Variants in ZNF416 observed in about 807,000 individuals in gnomAD.
ZNF416 encodes zinc finger protein 416.
A neutral mutation model predicts 10.9 loss-of-function variants in ZNF416; 5 were observed. The ratio of observed to expected loss-of-function variants is 0.46; its 90% CI spans 0.24 to 0.97. The LOEUF (loss-of-function observed/expected upper bound fraction) is 0.97. ZNF416 is among the 50% of genes least tolerant of loss of function. The pLI, the probability that ZNF416 is intolerant of heterozygous loss-of-function variation, is 0.19. For missense variants in ZNF416, 675 were observed against 715.0 expected (o/e 0.94, Z 0.64); for synonymous variants, 267 against 251.8 (o/e 1.06, Z -0.57).
At chr19:57,576,605 G>A (rs1052832855) in intron 2 of ZNF416, among the ~76,000 whole-genome samples, 14 of 151,944 alleles carry the variant, frequency 9.2e-5, no homozygotes, top group African/African-American at 3.1e-4. Context: ...ATCTGACACC[G>A]ATGGCCCTCT....
Position 57,571,879 on chromosome 19 carries a change from T to C in ZNF416, c.*240A>G. On this transcript the variant is annotated 3_prime_UTR_variant, in exon 4 of 4. Transcript: ENST00000196489. Reference sequence around the variant, plus strand: ...TCTGCCTCGCCTTAGTATGCAAGGGTGACTAATGATTTAACTCTGGCAAAG... The same window carrying C: ...TCTGCCTCGCCTTAGTATGCAAGGGCGACTAATGATTTAACTCTGGCAAAG... 1 of 512,056 alleles carries C rather than the reference T, an allele frequency of 2.0e-6. No homozygotes were observed. The highest frequency in any genetic ancestry group is 3.5e-6 in the Non-Finnish European group (1 of 288,118). The allele number at this position is 512,056 out of a possible 1,614,324, so 31.7% of individuals were successfully genotyped here.
At position 57,571,772 on chromosome 19, in the gene ZNF416, A is replaced by T. The variant is rs1568605870; in HGVS notation, c.*347T>A. ...AACTGGTCAGATGTATGCTGTAATC[A>T]GTCAGAAAAGGGAAGGAATTCCCCT... is the stretch of plus-strand genomic sequence containing the variant. On this transcript the variant is annotated 3_prime_UTR_variant, in exon 4 of 4. Coordinates refer to ENST00000196489, the MANE Select transcript of ZNF416 (RefSeq NM_017879.3). The T allele has an allele frequency of 4.6e-6, 1 of 218,938 alleles. No homozygotes were observed. Among genetic ancestry groups the T allele is most frequent in the East Asian group, 9.4e-5 (1 of 10,666 alleles). 13.6% of individuals were successfully genotyped at this position (218,938 alleles called of 1,614,324 possible). A position where few individuals can be genotyped will look rare whatever the true frequency, so the allele number is the denominator to read the frequency against.
In ZNF416 at chr19:57,576,342, ACT is replaced by A. The variant is rs1337802856; in HGVS notation, c.76-414_76-413del. Reference sequence around the variant, plus strand: ...ATGCACATCACTCTTTGAAGCACACACTCTCTCAAACAATCTCACTCCCACGG... The same window carrying A: ...ATGCACATCACTCTTTGAAGCACACACTCTCAAACAATCTCACTCCCACGG... On this transcript the variant is annotated intron_variant, in intron 2 of 3. Coordinates refer to ENST00000196489, the MANE Select transcript of ZNF416 (RefSeq NM_017879.3). Among the ~76,000 whole-genome samples, 7 of 151,304 alleles carry A rather than the reference ACT, an allele frequency of 4.6e-5. No individual in the cohort carries two copies. In the Middle Eastern group the frequency reaches 0.01, roughly 222 times the overall value.
In ZNF416 at chr19:57,572,494, T is replaced by C; in HGVS notation, c.1410A>G (p.Glu470=). The C allele has an allele frequency of 6.2e-7, 1 of 1,614,078 alleles. No individual in the cohort carries two copies. The highest frequency in any genetic ancestry group is 8.5e-7 in the Non-Finnish European group (1 of 1,180,004). The part of the protein sequence containing the change: ...HTAERPYVCG[E]CGKAFMFKSK... ...ATTTGAACATAAAAGCTTTCCCACATTCCCCACATACATAAGGCCTTTCTG... is the reference window on the plus strand; with the variant it reads ...ATTTGAACATAAAAGCTTTCCCACACTCCCCACATACATAAGGCCTTTCTG... The change falls in exon 4 of 4, where the codon GAA becomes GAG. Residue 470 remains glutamate, a synonymous_variant. Transcript: ENST00000196489. The surrounding 1 kb of genome is among the most constrained non-coding windows in gnomAD (Gnocchi z 4.5).
At position 57,572,839 on chromosome 19, in the gene ZNF416, C is replaced by T; in HGVS notation, c.1065G>A (p.Glu355=). 2 of 1,614,022 alleles carry T rather than the reference C, an allele frequency of 1.2e-6. No individual in the cohort carries two copies. The highest frequency in any genetic ancestry group is 1.7e-4 in the Middle Eastern group (1 of 6,058). ...CRIHTGERPY[E]CDECGKAFGS... is the part of the protein sequence containing the mutation. Reference sequence around the variant, plus strand: ...CAAAGGCTTTTCCACATTCATCACACTCATAAGGCCTTTCTCCAGTGTGAA... The same window carrying T: ...CAAAGGCTTTTCCACATTCATCACATTCATAAGGCCTTTCTCCAGTGTGAA... Residue 355 remains glutamate (E), a synonymous_variant, in exon 4 of 4, where the codon GAG becomes GAA. Transcript: ENST00000196489. This position sits in a 1 kb window ranked among gnomAD's most constrained non-coding sequence, Gnocchi z 4.5.
chr19:57,573,054 G>A lies in ZNF416; in HGVS notation c.850C>T (p.His284Tyr). ...ECGKSFSQTS[H>Y]LNDHRRIHTG... ...TGGATTCTCCGATGATCATTCAGAT[G>A]AGAGGTTTGGCTAAAAGATTTCCCA... Residue 284 changes from histidine (H) to tyrosine (Y), a missense_variant, in exon 4 of 4, where the codon CAT becomes TAT. His to Tyr is a moderately conservative substitution (Grantham distance 83). Coordinates refer to ENST00000196489, the MANE Select transcript of ZNF416 (RefSeq NM_017879.3). 6.2e-7 allele frequency: 1 copy of A among 1,613,646 alleles called. No individual in the cohort carries two copies. Among genetic ancestry groups the A allele is most frequent in the South Asian group, 1.1e-5 (1 of 91,034 alleles).
At position 57,571,912 on chromosome 19, in the gene ZNF416, G is replaced by T; in HGVS notation, c.*207C>A. The T allele has an allele frequency of 1.7e-6, 1 of 586,748 alleles. No homozygotes were observed. The highest frequency in any genetic ancestry group is 2.9e-6 in the Non-Finnish European group (1 of 341,740). 36.3% of individuals were successfully genotyped at this position (586,748 alleles called of 1,614,324 possible). A position where few individuals can be genotyped will look rare whatever the true frequency, so the allele number is the denominator to read the frequency against. On this transcript the variant is annotated 3_prime_UTR_variant, in exon 4 of 4. Transcript: ENST00000196489. ...GATTTAACTCTGGCAAAGGCCTCCA[G>T]CAGTTTAGAACATGCAAAGGAGCTC... is the stretch of plus-strand genomic sequence containing the variant.
Position 57,572,144 on chromosome 19 carries a change from T to C in ZNF416, c.1760A>G (p.Tyr587Cys), listed in dbSNP as rs374498254. 82 of 1,613,094 alleles carry C rather than the reference T, an allele frequency of 5.1e-5. No individual in the cohort carries two copies. Among genetic ancestry groups the C allele is most frequent in the African/African-American group, 6.7e-5 (5 of 74,924 alleles). Residue 587 changes from tyrosine to cysteine, a missense_variant, in exon 4 of 4, where the codon TAC becomes TGC. Coordinates refer to ENST00000196489, the MANE Select transcript of ZNF416 (RefSeq NM_017879.3). The surrounding 1 kb of genome is among the most constrained non-coding windows in gnomAD (Gnocchi z 4.5). ...TTAAACAATGTTAGATCTTGGGCTG[T>C]AGGGTTTTCCACATTTGCTGCTGTC... ...PRDSSKCGKPYSPRSNIV is the reference protein window; with the variant it reads ...PRDSSKCGKPCSPRSNIV
In ZNF416 at chr19:57,572,651, G is replaced by T. The variant is rs747915397; in HGVS notation, c.1253C>A (p.Ser418Ter). 9 of 1,614,174 alleles carry T rather than the reference G, an allele frequency of 5.6e-6. No individual in the cohort carries two copies. Among genetic ancestry groups the T allele is most frequent in the Non-Finnish European group, 7.6e-6 (9 of 1,180,032 alleles). ...RPYECGQCGK[S>*]FSLKCGLIQH... is the part of the protein sequence containing the mutation. ...AATGAGGCCACACTTTAGGCTAAAT[G>T]ATTTCCCACACTGGCCACACTCATA... Residue 418 changes from serine to a stop codon, truncating the protein, a stop_gained, in exon 4 of 4, where the codon TCA becomes TAA. Coordinates refer to ENST00000196489, the MANE Select transcript of ZNF416 (RefSeq NM_017879.3). LOFTEE classifies it low-confidence loss of function (END_TRUNC). This position sits in a 1 kb window ranked among gnomAD's most constrained non-coding sequence, Gnocchi z 4.5.
rs764843047 is a variant in ZNF416 at position 57,578,695 on chromosome 19, C to T, written c.10G>A (p.Ala4Thr). 41 of 1,547,498 alleles carry T rather than the reference C, an allele frequency of 2.6e-5. 1 individual carries two copies. Among genetic ancestry groups the T allele is most frequent in the Middle Eastern group, 1.7e-4 (1 of 5,894 alleles). ...ACCGAAGTCGAATCCCTAAGCACGGCCGCCGCCATCGGATTGTGAGCGGAG... is the reference window on the plus strand; with the variant it reads ...ACCGAAGTCGAATCCCTAAGCACGGTCGCCGCCATCGGATTGTGAGCGGAG... MAA[A>T]VLRDSTSVPV... Residue 4 changes from alanine (A) to threonine (T), a missense_variant, in exon 1 of 4, where the codon GCC becomes ACC. By Grantham distance (58) the Ala-to-Thr change is moderately conservative. Transcript: ENST00000196489.
chr19:57,578,626 T>A, intron 1 of ZNF416, 46 bp downstream of exon 1: 1 of 1,514,066 alleles, frequency 6.6e-7, no homozygotes. Context: ...GGGTGTTGGA[T>A]TTCCGGCGGA....
Position 57,575,762 on chromosome 19 carries a change from T to G in ZNF416, c.202+42A>C. 1 of 1,613,286 alleles carries G rather than the reference T, an allele frequency of 6.2e-7. No homozygotes were observed. Among genetic ancestry groups the G allele is most frequent in the Non-Finnish European group, 8.5e-7 (1 of 1,179,464 alleles). On this transcript the variant is annotated intron_variant, in intron 3 of 3. Coordinates refer to ENST00000196489, the MANE Select transcript of ZNF416 (RefSeq NM_017879.3). The surrounding 1 kb of genome is among the most constrained non-coding windows in gnomAD (Gnocchi z 4.4). ...GAGCTGCCTCTGAGGAAAAAGAGGA[T>G]AGACGAAGACCAGGACACGAGAGTG...
chr19:57,572,225 G>A lies in ZNF416; in HGVS notation c.1679C>T (p.Thr560Ile). ...YECGKCGKSF[T>I]QHSGLILHRK... Reference sequence around the variant, plus strand: ...GTGGAGAATGAGGCCAGAGTGTTGTGTAAAGGACTTCCCACATTTGCCACA... The same window carrying A: ...GTGGAGAATGAGGCCAGAGTGTTGTATAAAGGACTTCCCACATTTGCCACA... Residue 560 changes from threonine (T) to isoleucine (I), a missense_variant, in exon 4 of 4, where the codon ACA becomes ATA. Thr to Ile is a moderately conservative substitution (Grantham distance 89). Transcript: ENST00000196489. This position sits in a 1 kb window ranked among gnomAD's most constrained non-coding sequence, Gnocchi z 4.5. 1 of 1,614,208 alleles carries A rather than the reference G, an allele frequency of 6.2e-7. No homozygotes were observed. The highest frequency in any genetic ancestry group is 8.5e-7 in the Non-Finnish European group (1 of 1,180,038).
Position 57,573,698 on chromosome 19 carries a change from C to A in ZNF416, c.206G>T (p.Cys69Phe). The change falls in exon 4 of 4, where the codon TGT becomes TTT. Residue 69 changes from cysteine to phenylalanine, a missense_variant. Transcript: ENST00000196489. ...ENFALITALV[C>F]WHGMEDEETP... is the part of the protein sequence containing the mutation. ...CTCTTCATCCTCCATCCCATGCCAA[C>A]AAACTGAAAGCAGAGAAACACTGAT... 1 of 1,607,202 alleles carries A rather than the reference C, an allele frequency of 6.2e-7. No individual in the cohort carries two copies. The highest frequency in any genetic ancestry group is 8.5e-7 in the Non-Finnish European group (1 of 1,174,694).
rs1357552023 is a variant in ZNF416 at position 57,572,620 on chromosome 19, G to C, written c.1284C>G (p.His428Gln). The C allele has an allele frequency of 6.2e-7, 1 of 1,613,912 alleles. No individual in the cohort carries two copies. The highest frequency in any genetic ancestry group is 8.5e-7 in the Non-Finnish European group (1 of 1,180,032). ...SFSLKCGLIQHQLIHSGARPF... is the reference protein window; with the variant it reads ...SFSLKCGLIQQQLIHSGARPF... ...GCCTAGCTCCACTGTGAATTAACTGGTGCTGAATGAGGCCACACTTTAGGC... is the reference window on the plus strand; with the variant it reads ...GCCTAGCTCCACTGTGAATTAACTGCTGCTGAATGAGGCCACACTTTAGGC... Residue 428 changes from histidine (H) to glutamine (Q), a missense_variant, in exon 4 of 4, where the codon CAC (histidine) becomes CAG (glutamine). His to Gln is a conservative substitution (Grantham distance 24). Transcript: ENST00000196489. The surrounding 1 kb of genome is among the most constrained non-coding windows in gnomAD (Gnocchi z 4.5).
rs745729904 is a variant in ZNF416 at position 57,573,250 on chromosome 19, A to ACT, written c.652_653dup (p.Ser218ArgfsTer69). On this transcript the variant is annotated frameshift_variant, in exon 4 of 4. Transcript: ENST00000196489. LOFTEE classifies it low-confidence loss of function (END_TRUNC). ...TGTGGCTGGACTCTCTCCTGCATTG[A>ACT]CTCCACTTGTAATGACTTATTCCAA... is the stretch of plus-strand genomic sequence containing the variant. The ACT allele has an allele frequency of 5.0e-6, 8 of 1,614,064 alleles. No individual in the cohort carries two copies. In the South Asian group the frequency reaches 8.8e-5, roughly 18 times the overall value.
In ZNF416 at chr19:57,575,311, G is replaced by A. The variant is rs986687540; in HGVS notation, c.202+493C>T. On this transcript the variant is annotated intron_variant, in intron 3 of 3. Transcript: ENST00000196489. The surrounding 1 kb of genome is among the most constrained non-coding windows in gnomAD (Gnocchi z 4.4). The stretch of plus-strand genomic sequence containing the variant: ...TGAATGAAGCAAGTCCTAAGGGAAA[G>A]CTGGGACAGGTGAGTATCCTGCAGT... 6.6e-6 allele frequency among the ~76,000 whole-genome samples: 1 copy of A among 152,234 alleles called. No homozygotes were observed. Among genetic ancestry groups the A allele is most frequent in the Non-Finnish European group, 1.5e-5 (1 of 68,040 alleles).
At position 57,573,136 on chromosome 19, in the gene ZNF416, G is replaced by C. The variant is rs138592598; in HGVS notation, c.768C>G (p.Ser256=). 1 of 1,614,188 alleles carries C rather than the reference G, an allele frequency of 6.2e-7. No individual in the cohort carries two copies. The highest frequency in any genetic ancestry group is 1.3e-5 in the African/African-American group (1 of 75,058). Residue 256 remains serine, a synonymous_variant, in exon 4 of 4, where the codon TCC becomes TCG. Coordinates refer to ENST00000196489, the MANE Select transcript of ZNF416 (RefSeq NM_017879.3). ...GGTGGACTCTTTGCAGCTGAACAAGGGAGCACTCACAGCAGCAGGCTTTCC... is the reference window on the plus strand; with the variant it reads ...GGTGGACTCTTTGCAGCTGAACAAGCGAGCACTCACAGCAGCAGGCTTTCC... The part of the protein sequence containing the change: ...KCGKACCCEC[S]LVQLQRVHPG...
intron 2 of ZNF416, among the ~76,000 whole-genome samples, chr19:57,576,420 C>T (rs1021534940): frequency 6.6e-6 from 1 of 152,110 alleles, no homozygotes; most frequent in Non-Finnish European, 1.5e-5. Context: ...GGCATCCCCA[C>T]GATAGTTGGA....
Sources: allele counts gnomAD v4.1 joint callset (sites outside exome capture counted in the v4.1 genomes callset), GRCh38; gene constraint gnomAD v4.1.1; non-coding constraint Gnocchi (gnomAD v3.1); transcripts MANE v1.5; gene names NCBI Gene and HGNC (gene_info 2026-07-23, HGNC 2026-07-21).